TTLL7: variants seen among roughly 807,000 people sequenced by gnomAD.
TTLL7 encodes the protein tubulin tyrosine ligase like 7.
In TTLL7, 53 loss-of-function variants were observed where a neutral mutation model predicts 120.2. That is an observed-to-expected ratio of 0.44 (90% CI 0.35 to 0.55). The LOEUF (loss-of-function observed/expected upper bound fraction) is 0.55, where lower values mean the gene tolerates loss of function less well. Ranked by LOEUF, TTLL7 falls within the 20% of genes least tolerant of loss-of-function variation. The pLI, the probability that TTLL7 is intolerant of heterozygous loss-of-function variation, is 0.00. For missense variants in TTLL7, 803 were observed against 1,054.7 expected (o/e 0.76, Z 3.31); for synonymous variants, 353 against 351.7 (o/e 1.00, Z -0.04).
At chr1:83,973,621 T>G (rs531849548) in intron 1 of TTLL7, among the ~76,000 whole-genome samples, 3 of 152,158 alleles carry the variant, frequency 2.0e-5, no homozygotes, top group African/African-American at 7.2e-5. Context: ...TGCTGAAATT[T>G]TGGGAATGCA....
At chr1:83,977,673 T>C (rs1651617803) in intron 1 of TTLL7, among the ~76,000 whole-genome samples, 1 of 152,090 alleles carries the variant, frequency 6.6e-6, no homozygotes, top group Non-Finnish European at 1.5e-5. Context: ...ATATGCCAAG[T>C]ATTTCCCCTT....
intron 1 of TTLL7, chr1:83,979,852 G>C (rs927021554): frequency 3.3e-5 from 5 of 152,154 alleles, no homozygotes; most frequent in African/African-American, 9.7e-5. Context: ...TATGGGGCTT[G>C]CAGGACTTGC....
chr1:83,973,628 T>G (rs1181834701), intron 1 of TTLL7, among the ~76,000 whole-genome samples: 1 of 152,062 alleles, frequency 6.6e-6, no homozygotes, highest in Non-Finnish European at 1.5e-5. Context: ...ATTTTGGGAA[T>G]GCAATGAATC....
At position 83,929,396 on chromosome 1, in the gene TTLL7, C is replaced by T. The variant is rs558221234; in HGVS notation, c.1048-166G>A. Among the ~76,000 whole-genome samples, 58 of 152,224 alleles carry T rather than the reference C, an allele frequency of 3.8e-4. No individual in the cohort carries two copies. The South Asian group carries it at 9.5e-3, about 25-fold the overall frequency. On this transcript the variant is annotated intron_variant, in intron 9 of 20. Transcript: ENST00000260505. The stretch of plus-strand genomic sequence containing the variant: ...TTGCCACATCTCCATTCTGCATCAC[C>T]CTAGGTCAACAAATTGCAAGGGATT...
At chr1:83,942,716 C>T in intron 6 of TTLL7, 37 bp from the exon 7 acceptor site, 4 of 1,486,146 alleles carry the variant, frequency 2.7e-6, no homozygotes, top group Non-Finnish European at 2.8e-6. Flanking sequence ...AATGATTTGA[C>T]ATAGAGCAAG....
chr1:83,943,662 G>A (rs931970233), intron 6 of TTLL7, among the ~76,000 whole-genome samples: 1 of 152,196 alleles, frequency 6.6e-6, no homozygotes, highest in Non-Finnish European at 1.5e-5. Context: ...ACAACAAATT[G>A]CGTAGAGGGG....
intron 6 of TTLL7, among the ~76,000 whole-genome samples, chr1:83,945,390 A>C (rs1648387370): frequency 6.6e-6 from 1 of 152,240 alleles, no homozygotes; most frequent in South Asian, 2.1e-4. Context: ...GATTTTTTAA[A>C]AGTCAATGCC....
intron 19 of TTLL7, among the ~76,000 whole-genome samples, chr1:83,884,216 G>C (rs1654772335): frequency 6.6e-6 from 1 of 151,778 alleles, no homozygotes; most frequent in Admixed American, 6.6e-5. Flanking sequence ...CAAGCCTCCA[G>C]GGGAAATTTT....
At chr1:83,907,944 C>T (rs761066919) in intron 15 of TTLL7, among the ~76,000 whole-genome samples, 1 of 151,942 alleles carries the variant, frequency 6.6e-6, no homozygotes, top group Non-Finnish European at 1.5e-5. Context: ...CTAAGAGAAC[C>T]AGAAGAAAGG....
Position 83,870,098 on chromosome 1 carries a change from A to T in TTLL7, c.2544-16T>A. On this transcript the variant is annotated splice_polypyrimidine_tract_variant and intron_variant, in intron 20 of 20. Transcript: ENST00000260505. ...TAGTAAATACCTAAAAATGATGGTT[A>T]ACAAATTAGATTTTTACAAGCAAAT... 3 of 1,535,242 alleles carry T rather than the reference A, an allele frequency of 2.0e-6. No individual in the cohort carries two copies. The Middle Eastern group carries it at 5.2e-4, about 264-fold the overall frequency.
At position 83,889,725 on chromosome 1, in the gene TTLL7, T is replaced by C. The variant is rs766949704; in HGVS notation, c.2369+596A>G. Among the ~76,000 whole-genome samples, 114 of 152,048 alleles carry C rather than the reference T, an allele frequency of 7.5e-4. 1 individual carries two copies. The highest frequency in any genetic ancestry group is 2.4e-3 in the Admixed American group (37 of 15,228). On this transcript the variant is annotated intron_variant, in intron 19 of 20. Transcript: ENST00000260505. ...TAGCACAAAAGTAAGTACTTGATGA[T>C]TGTTGAAAGTATGAATGGAAACAAG... is the stretch of plus-strand genomic sequence containing the variant.
chr1:83,950,077 T>C lies in TTLL7; in HGVS notation c.158-91A>G, dbSNP rs373770344. 35 of 1,161,288 alleles carry C rather than the reference T, an allele frequency of 3.0e-5. No individual in the cohort carries two copies. The South Asian group carries it at 3.6e-4, about 12-fold the overall frequency. 71.9% of individuals were successfully genotyped at this position (1,161,288 alleles called of 1,614,324 possible). A position where few individuals can be genotyped will look rare whatever the true frequency, so the allele number is the denominator to read the frequency against. On this transcript the variant is annotated intron_variant, in intron 3 of 20. Transcript: ENST00000260505. ...ATTTTTCTATCTAAACTTTAGTTCATAGTATTTCATTTGAAAAATATTAGT... is the reference window on the plus strand; with the variant it reads ...ATTTTTCTATCTAAACTTTAGTTCACAGTATTTCATTTGAAAAATATTAGT...
chr1:83,951,246 A>G (rs114367186), intron 3 of TTLL7, among the ~76,000 whole-genome samples: 6,322 of 151,978 alleles, frequency 0.042, 154 homozygotes, highest in Middle Eastern at 0.099. Context: ...CTACTCGCGA[A>G]ACTGAGGCAG....
chr1:83,938,079 AGG>A lies in TTLL7; in HGVS notation c.724-65_724-64del. ...ACATCCTAGAACTGCGAAGTTTCAG[AGG>A]AAAAAAAGACACTCAAAGACTAAAG... On this transcript the variant is annotated intron_variant, in intron 7 of 20. Transcript: ENST00000260505. The A allele has an allele frequency of 4.6e-6, 7 of 1,508,084 alleles. No individual in the cohort carries two copies. The Admixed American group carries it at 7.1e-5, about 15-fold the overall frequency. The allele number at this position is 1,508,084 out of a possible 1,614,324, so 93.4% of individuals were successfully genotyped here.
intron 17 of TTLL7, 116 bp from the exon 18 acceptor site, chr1:83,904,275 A>G (rs1656998386): frequency 1.4e-6 from 1 of 701,096 alleles, no homozygotes; most frequent in Non-Finnish European, 2.4e-6. Context: ...CTTTCATAAA[A>G]ACACATGTGC....
chr1:83,900,591 A>T (rs1232360630), intron 18 of TTLL7, among the ~76,000 whole-genome samples: 1 of 151,964 alleles, frequency 6.6e-6, no homozygotes, highest in Admixed American at 6.6e-5. Context: ...TCTTTCCCTT[A>T]TTCCTACCTC....
intron 15 of TTLL7, among the ~76,000 whole-genome samples, chr1:83,908,736 T>A (rs113789119): frequency 0.018 from 2,692 of 151,998 alleles, 89 homozygotes; most frequent in African/African-American, 0.061. Flanking sequence ...GAGGAATATA[T>A]CTTCATTAAA....
At chr1:83,899,803 C>G (rs1280688980) in intron 18 of TTLL7, among the ~76,000 whole-genome samples, 1 of 151,868 alleles carries the variant, frequency 6.6e-6, no homozygotes, top group Non-Finnish European at 1.5e-5. Flanking sequence ...AAGCTCCTCC[C>G]CTCACATTAG....
At chr1:83,923,266 T>G (rs1198257833) in intron 10 of TTLL7, among the ~76,000 whole-genome samples, 1 of 139,634 alleles carries the variant, frequency 7.2e-6, no homozygotes, top group Non-Finnish European at 1.6e-5. Flanking sequence ...GAATGATCAT[T>G]TCTATATAGC....
Sources: gnomAD v4.1 joint callset for allele counts (sites outside exome capture counted in the v4.1 genomes callset) on GRCh38, gnomAD v4.1.1 for gene constraint, MANE v1.5 for transcripts, NCBI Gene and HGNC (gene_info 2026-07-23, HGNC 2026-07-21) for gene names.